ANKRD11: variants seen among roughly 807,000 people sequenced by gnomAD.
ANKRD11 encodes the protein ankyrin repeat domain 11.
Under a neutral mutation model 195.7 loss-of-function variants are expected in ANKRD11, and 17 were observed. The observed-to-expected ratio is 0.09, with a 90% CI of 0.06 to 0.13. ANKRD11 has a LOEUF of 0.13. Among genes scored for constraint, ANKRD11 ranks in the 10% least tolerant of loss-of-function variants. The pLI, the probability that ANKRD11 is intolerant of heterozygous loss-of-function variation, is 1.00. For missense variants in ANKRD11, 3,735 were observed against 3,566.1 expected (o/e 1.05, Z -1.21); for synonymous variants, 1,953 against 1,528.1 (o/e 1.28, Z -6.49).
At position 89,350,374 on chromosome 16, in the gene ANKRD11, A is replaced by T. The variant is rs577559463; in HGVS notation, c.-59-33296T>A. Among the ~76,000 whole-genome samples the T allele has an allele frequency of 3.9e-5, 6 of 152,302 alleles. No individual in the cohort carries two copies. The South Asian group carries it at 8.3e-4, about 21-fold the overall frequency. On this transcript the variant is annotated intron_variant, in intron 2 of 12. Coordinates refer to ENST00000301030, the MANE Select transcript of ANKRD11 (RefSeq NM_013275.6). ...TCTGATGCTTTGCATGCAACTACTC[A>T]TATCAGCTTGACTCCCAACAGCTAA...
rs1187052522 is a variant in ANKRD11 at position 89,283,553 on chromosome 16, G to A, written c.2989C>T (p.Leu997=). Residue 997 remains leucine, a synonymous_variant, in exon 9 of 13, where the codon CTG becomes TTG. Transcript: ENST00000301030. The surrounding 1 kb of genome is among the most constrained non-coding windows in gnomAD (Gnocchi z 4.3). The stretch of plus-strand genomic sequence containing the variant: ...GGGTGGTGCCGTTCCCACGGCTCCA[G>A]GCCCTTCCCAAAGTCGCCGTCGGAC... ...DKSDGDFGKG[L]EPWERHHPAR... The A allele has an allele frequency of 1.2e-6, 2 of 1,612,158 alleles. No individual in the cohort carries two copies. The highest frequency in any genetic ancestry group is 2.7e-5 in the African/African-American group (2 of 74,902).
intron 2 of ANKRD11, among the ~76,000 whole-genome samples, chr16:89,326,299 G>C (rs543950655): frequency 5.5e-4 from 83 of 152,284 alleles, no homozygotes; most frequent in African/African-American, 1.7e-3. Context: ...GGAAGAGGAA[G>C]GTTAGAAAGG....
rs2035076409 is a variant in ANKRD11, at chr16:89,291,727, G to A, written c.227-544C>T. The A allele has an allele frequency of 2.3e-6, 3 of 1,289,700 alleles. No homozygotes were observed. Among genetic ancestry groups the A allele is most frequent in the Non-Finnish European group, 3.0e-6 (3 of 988,898 alleles). The allele number at this position is 1,289,700 out of a possible 1,614,324, so 79.9% of individuals were successfully genotyped here. ...CCTCCATCTCATGCCATGGTGCTTCGAGGAGCGTACCAGCCTTGCAGCACC... is the reference window on the plus strand; with the variant it reads ...CCTCCATCTCATGCCATGGTGCTTCAAGGAGCGTACCAGCCTTGCAGCACC... On this transcript the variant is annotated intron_variant, in intron 4 of 12. Coordinates refer to ENST00000301030, the MANE Select transcript of ANKRD11 (RefSeq NM_013275.6). This position sits in a 1 kb window ranked among gnomAD's most constrained non-coding sequence, Gnocchi z 5.3.
intron 1 of ANKRD11, among the ~76,000 whole-genome samples, chr16:89,441,953 G>C (rs1220240269): frequency 6.6e-6 from 1 of 152,102 alleles, no homozygotes; most frequent in East Asian, 1.9e-4. Flanking sequence ...AAAGCCACCA[G>C]ACCTCCGTTC....
intron 1 of ANKRD11, among the ~76,000 whole-genome samples, chr16:89,443,930 G>C (rs1597425729): frequency 1.3e-5 from 2 of 152,214 alleles, no homozygotes; most frequent in African/African-American, 2.4e-5. Flanking sequence ...TGCCGGGCCG[G>C]CGTCAACACC....
At chr16:89,290,912 C>T (rs2035019120) in intron 5 of ANKRD11, 84 bp from the exon 6 acceptor site, 14 of 1,608,982 alleles carry the variant, frequency 8.7e-6, no homozygotes, top group Middle Eastern at 2.2e-4. Flanking sequence ...GCCACCATCA[C>T]GAGGTCCCTT....
intron 6 of ANKRD11, chr16:89,289,127 G>A (rs1475017568): frequency 2.3e-5 from 6 of 262,126 alleles, no homozygotes; most frequent in South Asian, 4.2e-5. Context: ...GCCCAGGCTC[G>A]GGCTGCACGA....
chr16:89,463,127 G>T (rs1219733200), intron 1 of ANKRD11, among the ~76,000 whole-genome samples: 1 of 151,550 alleles, frequency 6.6e-6, no homozygotes, highest in African/African-American at 2.4e-5. Flanking sequence ...CCCCTACTGG[G>T]AAGTGAGGAG....
intron 2 of ANKRD11, among the ~76,000 whole-genome samples, chr16:89,393,314 A>AT (rs573197657): frequency 0.014 from 1,911 of 139,270 alleles, 23 homozygotes; most frequent in African/African-American, 0.026. Flanking sequence ...TTTTATTTTT[A>AT]TTTTTTTTTT....
chr16:89,391,951 G>C (rs2041217902), intron 2 of ANKRD11, among the ~76,000 whole-genome samples: 1 of 152,206 alleles, frequency 6.6e-6, no homozygotes, highest in Non-Finnish European at 1.5e-5. Flanking sequence ...GCAAGCATTA[G>C]GTCACGGCCT....
At chr16:89,375,245 G>A (rs1036186132) in intron 2 of ANKRD11, among the ~76,000 whole-genome samples, 9 of 152,218 alleles carry the variant, frequency 5.9e-5, no homozygotes, top group African/African-American at 2.2e-4. Context: ...AATCGTCTCC[G>A]CGTGAGCAGC....
intron 1 of ANKRD11, among the ~76,000 whole-genome samples, chr16:89,485,598 A>T (rs2057586319): frequency 6.6e-6 from 1 of 152,172 alleles, no homozygotes; most frequent in South Asian, 2.1e-4. Flanking sequence ...CTTACTGTAA[A>T]CCCAAAAATC....
At chr16:89,314,053 G>GT (rs1474069105) in intron 3 of ANKRD11, among the ~76,000 whole-genome samples, 3 of 152,146 alleles carry the variant, frequency 2.0e-5, no homozygotes, top group African/African-American at 7.2e-5. Context: ...GTAAGATCTC[G>GT]TCTCTACAAA....
At position 89,412,812 on chromosome 16, in the gene ANKRD11, G is replaced by A. The variant is rs143875519; in HGVS notation, c.-60+5472C>T. Among the ~76,000 whole-genome samples, 47 of 152,184 alleles carry A rather than the reference G, an allele frequency of 3.1e-4. No homozygotes were observed. The East Asian group carries it at 7.1e-3, about 23-fold the overall frequency. On this transcript the variant is annotated intron_variant, in intron 2 of 12. Transcript: ENST00000301030. The stretch of plus-strand genomic sequence containing the variant: ...AGTTAACAAAAGAAATACAGTAACC[G>A]CAATATTATAACCTACAAACAAAAA...
At chr16:89,293,241 C>T (rs917870373) in intron 4 of ANKRD11, among the ~76,000 whole-genome samples, 1 of 152,184 alleles carries the variant, frequency 6.6e-6, no homozygotes, top group African/African-American at 2.4e-5. Flanking sequence ...GCAGAATCCC[C>T]GAGATACACA....
intron 2 of ANKRD11, among the ~76,000 whole-genome samples, chr16:89,393,560 C>T (rs560027414): frequency 1.1e-4 from 16 of 148,578 alleles, no homozygotes; most frequent in Non-Finnish European, 2.2e-4. Flanking sequence ...AGGCTGGTCT[C>T]GAACTCCCGA....
chr16:89,423,761 T>C (rs2042606694), intron 1 of ANKRD11, among the ~76,000 whole-genome samples: 1 of 152,162 alleles, frequency 6.6e-6, no homozygotes, highest in African/African-American at 2.4e-5. Flanking sequence ...AAGAAAACGT[T>C]TTAAATGGTC....
chr16:89,462,036 CT>C (rs2056689573), intron 1 of ANKRD11, among the ~76,000 whole-genome samples: 1 of 142,252 alleles, frequency 7.0e-6, no homozygotes, highest in Admixed American at 7.3e-5. Flanking sequence ...CTCCCTCCCC[CT>C]CTCCCTCTCC....
At chr16:89,319,087 A>T (rs1247205907) in intron 2 of ANKRD11, among the ~76,000 whole-genome samples, 1 of 152,208 alleles carries the variant, frequency 6.6e-6, no homozygotes, top group East Asian at 1.9e-4. Flanking sequence ...TTAACATTTT[A>T]AAAAATCCAG....
Sources: gnomAD v4.1 joint callset for allele counts (sites outside exome capture counted in the v4.1 genomes callset) on GRCh38, gnomAD v4.1.1 for gene constraint, Gnocchi (gnomAD v3.1) non-coding constraint, MANE v1.5 for transcripts, NCBI Gene and HGNC (gene_info 2026-07-23, HGNC 2026-07-21) for gene names.